KCNK18: variants seen among roughly 807,000 people sequenced by gnomAD.
KCNK18 encodes potassium two pore domain channel subfamily K member 18.
Under a neutral mutation model 11.8 loss-of-function variants are expected in KCNK18, and 8 were observed. That is an observed-to-expected ratio of 0.68 (90% CI 0.40 to 1.22). The LOEUF is 1.22. Among genes scored for constraint, KCNK18 ranks in the 50% most tolerant of loss-of-function variants. The probability of loss-of-function intolerance (pLI) is 0.01; values close to 1 mark genes in which losing one functional copy is unlikely to be tolerated. For missense variants in KCNK18, 442 were observed against 465.4 expected (o/e 0.95, Z 0.46); for synonymous variants, 208 against 185.8 (o/e 1.12, Z -0.97).
chr10:117,205,811 G>T (rs1855068547), intron 2 of KCNK18, among the ~76,000 whole-genome samples: 1 of 152,158 alleles, frequency 6.6e-6, no homozygotes, highest in Admixed American at 6.5e-5. Context: ...GCACTTTGGG[G>T]GGCTGAGGTG....
chr10:117,197,591 C>T lies in KCNK18; in HGVS notation c.103C>T (p.Leu35=), dbSNP rs773694107. Residue 35 remains leucine, a synonymous_variant, in exon 1 of 3, where the codon CTG becomes TTG. Coordinates refer to ENST00000334549, the MANE Select transcript of KCNK18 (RefSeq NM_181840.1). The stretch of plus-strand genomic sequence containing the variant: ...CCTCTGCTTTCTGGTGACCTACGCC[C>T]TGGTGGGTGCTGTGGTCTTCTCTGC... ...CFLCFLVTYA[L]VGAVVFSAIE... The T allele has an allele frequency of 1.2e-6, 2 of 1,614,220 alleles. No homozygotes were observed. The highest frequency in any genetic ancestry group is 2.2e-5 in the South Asian group (2 of 91,080).
At chr10:117,197,845 A>G (rs2133700384) in intron 1 of KCNK18, 134 bp downstream of exon 1, 1 of 736,242 alleles carries the variant, frequency 1.4e-6, no homozygotes, top group Non-Finnish European at 2.4e-6. Context: ...GGGCACTTTA[A>G]GCGAGTAACT....
intron 2 of KCNK18, among the ~76,000 whole-genome samples, chr10:117,206,395 C>G (rs1012546985): frequency 6.6e-6 from 1 of 152,156 alleles, no homozygotes; most frequent in Non-Finnish European, 1.5e-5. Flanking sequence ...CTTATCAGGA[C>G]ACTTGTAATG....
Position 117,210,119 on chromosome 10 carries a change from G to T in KCNK18, c.975G>T (p.Gly325=), listed in dbSNP as rs753117927. ...YFCFVTLTTI[G]FGDTVLEHPN... ...GCTTTGTCACACTCACCACCATTGG[G>T]TTTGGGGATACTGTTTTAGAACACC... Residue 325 remains glycine, a synonymous_variant, in exon 3 of 3, where the codon GGG becomes GGT. Transcript: ENST00000334549. 1.2e-6 allele frequency: 2 copies of T among 1,614,218 alleles called. No individual in the cohort carries two copies. Among genetic ancestry groups the T allele is most frequent in the Non-Finnish European group, 1.7e-6 (2 of 1,180,038 alleles).
rs778504068 is a variant in KCNK18 at position 117,209,725 on chromosome 10, C to A, written c.581C>A (p.Pro194His). The A allele has an allele frequency of 6.2e-7, 1 of 1,614,190 alleles. No homozygotes were observed. The highest frequency in any genetic ancestry group is 8.5e-7 in the Non-Finnish European group (1 of 1,180,028). ...TTCAAGAAAAAACCGGACCCCAAGCCCGCAGATGAAGCTGTCCCTCAGATC... is the reference window on the plus strand; with the variant it reads ...TTCAAGAAAAAACCGGACCCCAAGCACGCAGATGAAGCTGTCCCTCAGATC... ...SLFKKKPDPK[P>H]ADEAVPQIII... Residue 194 changes from proline (P) to histidine (H), a missense_variant, in exon 3 of 3, where the codon CCC becomes CAC. Physicochemically the swap from Pro to His is moderately conservative, Grantham distance 77 (BLOSUM62 -2). Coordinates refer to ENST00000334549, the MANE Select transcript of KCNK18 (RefSeq NM_181840.1).
chr10:117,197,585 T>C lies in KCNK18; in HGVS notation c.97T>C (p.Tyr33His), dbSNP rs1263671366. The C allele has an allele frequency of 3.7e-6, 6 of 1,614,182 alleles. No individual in the cohort carries two copies. Among genetic ancestry groups the C allele is most frequent in the South Asian group, 1.1e-5 (1 of 91,080 alleles). The change falls in exon 1 of 3, where the codon TAC becomes CAC. Residue 33 changes from tyrosine to histidine, a missense_variant. By Grantham distance (83) the Tyr-to-His change is moderately conservative (BLOSUM62 2). Coordinates refer to ENST00000334549, the MANE Select transcript of KCNK18 (RefSeq NM_181840.1). Reference sequence around the variant, plus strand: ...CTGCTTCCTCTGCTTTCTGGTGACCTACGCCCTGGTGGGTGCTGTGGTCTT... The same window carrying C: ...CTGCTTCCTCTGCTTTCTGGTGACCCACGCCCTGGTGGGTGCTGTGGTCTT... ...GLCFLCFLVT[Y>H]ALVGAVVFSA...
At chr10:117,200,435 CTTGCTTTTCCTAAAAGCCTT>C (rs147877179) in intron 1 of KCNK18, among the ~76,000 whole-genome samples, 102,214 of 151,942 alleles carry the variant, frequency 0.67, 35,241 homozygotes, top group Middle Eastern at 0.79. Flanking sequence ...TGTGTAACAG[CTTGCTTTTCCTAAAAGCCTT>C]TTGCTTTTAG....
At position 117,197,546 on chromosome 10, in the gene KCNK18, C is replaced by G. The variant is rs139919378; in HGVS notation, c.58C>G (p.Leu20Val). The G allele has an allele frequency of 1.4e-4, 226 of 1,614,212 alleles. No individual in the cohort carries two copies. Among genetic ancestry groups the G allele is most frequent in the Non-Finnish European group, 1.8e-4 (210 of 1,180,050 alleles). The change falls in exon 1 of 3, where the codon CTC (leucine) becomes GTC (valine). Residue 20 changes from leucine (L) to valine (V), a missense_variant. Physicochemically the swap from Leu to Val is conservative, Grantham distance 32. Transcript: ENST00000334549. Reference protein sequence around the residue: ...RRCCPEALGKLFPGLCFLCFL... With the variant: ...RRCCPEALGKVFPGLCFLCFL... ...ATGCTGCCCAGAGGCCCTGGGAAAGCTCTTCCCTGGCCTCTGCTTCCTCTG... is the reference window on the plus strand; with the variant it reads ...ATGCTGCCCAGAGGCCCTGGGAAAGGTCTTCCCTGGCCTCTGCTTCCTCTG...
At chr10:117,198,540 T>C (rs563536286) in intron 1 of KCNK18, among the ~76,000 whole-genome samples, 1 of 152,212 alleles carries the variant, frequency 6.6e-6, no homozygotes, top group East Asian at 1.9e-4. Flanking sequence ...GTTTCTACTC[T>C]GCTGTGTTCC....
intron 2 of KCNK18, among the ~76,000 whole-genome samples, chr10:117,207,713 G>T (rs1855092121): frequency 6.6e-6 from 1 of 152,154 alleles, no homozygotes; most frequent in African/African-American, 2.4e-5. Context: ...CCCTGGTGAG[G>T]GTAGGCAACC....
intron 2 of KCNK18, among the ~76,000 whole-genome samples, chr10:117,206,773 C>T (rs1449711907): frequency 6.6e-6 from 1 of 152,188 alleles, no homozygotes; most frequent in Non-Finnish European, 1.5e-5. Flanking sequence ...AGCCCAGTGC[C>T]CCGAGCCCTG....
At chr10:117,202,937 C>T (rs562267530) in intron 2 of KCNK18, among the ~76,000 whole-genome samples, 42 of 130,204 alleles carry the variant, frequency 3.2e-4, no homozygotes, top group African/African-American at 1.3e-3. Flanking sequence ...AGTGCAGTGG[C>T]ACAATCTTGG....
At chr10:117,198,050 G>A (rs1854970996) in intron 1 of KCNK18, among the ~76,000 whole-genome samples, 1 of 152,160 alleles carries the variant, frequency 6.6e-6, no homozygotes, top group East Asian at 1.9e-4. Flanking sequence ...GGAATTTGGT[G>A]GGGTGGGGTG....
intron 2 of KCNK18, among the ~76,000 whole-genome samples, chr10:117,204,270 CAA>C (rs61016831): frequency 8.6e-5 from 10 of 116,506 alleles, no homozygotes; most frequent in Admixed American, 1.8e-4. Flanking sequence ...GGCAGAGTCT[CAA>C]AAAAAAAAAA....
In KCNK18 at chr10:117,209,515, C is replaced by T; in HGVS notation, c.371C>T (p.Pro124Leu). The T allele has an allele frequency of 6.2e-7, 1 of 1,614,158 alleles. No homozygotes were observed. Among genetic ancestry groups the T allele is most frequent in the Non-Finnish European group, 8.5e-7 (1 of 1,180,004 alleles). ...FSTVGYGYIY[P>L]VTRLGKYLCM... ...TTTTCAGGCTATGGCTACATCTACC[C>T]CGTCACCAGGCTTGGCAAGTACTTG... Residue 124 changes from proline (P) to leucine (L), a missense_variant, in exon 3 of 3, where the codon CCC becomes CTC. By Grantham distance (98) the Pro-to-Leu change is moderately conservative. Coordinates refer to ENST00000334549, the MANE Select transcript of KCNK18 (RefSeq NM_181840.1).
At chr10:117,202,861 G>T (rs553528771) in intron 2 of KCNK18, among the ~76,000 whole-genome samples, 1 of 139,558 alleles carries the variant, frequency 7.2e-6, no homozygotes, top group African/African-American at 2.6e-5. Context: ...CAGCCCCCAC[G>T]TGGTTTCTCC....
At position 117,204,654 on chromosome 10, in the gene KCNK18, A is replaced by G. The variant is rs1196676166; in HGVS notation, c.352+3367A>G. Reference sequence around the variant, plus strand: ...CCATTCTAGACCTACTGAGCCAGAAACCATGGCTGTGGGACCCAGCAATCT... The same window carrying G: ...CCATTCTAGACCTACTGAGCCAGAAGCCATGGCTGTGGGACCCAGCAATCT... On this transcript the variant is annotated intron_variant, in intron 2 of 2. Coordinates refer to ENST00000334549, the MANE Select transcript of KCNK18 (RefSeq NM_181840.1). 2.6e-5 allele frequency among the ~76,000 whole-genome samples: 4 copies of G among 152,262 alleles called. No individual in the cohort carries two copies. The East Asian group carries it at 7.7e-4, about 29-fold the overall frequency.
At chr10:117,197,802 TG>T in intron 1 of KCNK18, 91 bp downstream of exon 1, 1 of 1,131,698 alleles carries the variant, frequency 8.8e-7, no homozygotes, top group Admixed American at 1.9e-5. Context: ...AGGCTGGGTC[TG>T]GGAGCTGCCT....
At position 117,197,572 on chromosome 10, in the gene KCNK18, C is replaced by T. The variant is rs368382349; in HGVS notation, c.84C>T (p.Cys28=). Residue 28 remains cysteine, a synonymous_variant, in exon 1 of 3, where the codon TGC becomes TGT. Transcript: ENST00000334549. ...GKLFPGLCFL[C]FLVTYALVGA... ...TCTTCCCTGGCCTCTGCTTCCTCTG[C>T]TTTCTGGTGACCTACGCCCTGGTGG... is the stretch of plus-strand genomic sequence containing the variant. 18 of 1,614,122 alleles carry T rather than the reference C, an allele frequency of 1.1e-5. No homozygotes were observed. In the Admixed American group the frequency reaches 2.5e-4, roughly 22 times the overall value.
Sources: gnomAD v4.1 joint callset for allele counts (sites outside exome capture counted in the v4.1 genomes callset) on GRCh38, gnomAD v4.1.1 for gene constraint, MANE v1.5 for transcripts, NCBI Gene and HGNC (gene_info 2026-07-23, HGNC 2026-07-21) for gene names.